KCTD2: variants seen among roughly 807,000 people sequenced by gnomAD.
KCTD2 encodes the protein potassium channel tetramerization domain containing 2.
KCTD2 carries 18 observed loss-of-function variants against 27.9 expected under a neutral mutation model. The ratio of observed to expected loss-of-function variants is 0.64; its 90% CI spans 0.45 to 0.96. KCTD2 has a LOEUF of 0.96. Ranked by LOEUF, KCTD2 falls within the 40% of genes least tolerant of loss-of-function variation. KCTD2 has a pLI of 0.00. For synonymous variants in KCTD2, 175 were observed against 148.4 expected, an observed-to-expected ratio of 1.18 and a Z score of -1.30; for missense variants, 280 against 348.0, an observed-to-expected ratio of 0.80 and a Z score of 1.56.
chr17:75,043,020 G>C (rs1351148487), upstream of KCTD2, among the ~76,000 whole-genome samples: 1 of 149,760 alleles, frequency 6.7e-6, no homozygotes, highest in Non-Finnish European at 1.5e-5. Flanking sequence ...TCAGGAGTTC[G>C]AGACCAGCAT....
At chr17:75,058,216 C>G (rs1374765081) in intron 3 of KCTD2, among the ~76,000 whole-genome samples, 1 of 151,714 alleles carries the variant, frequency 6.6e-6, no homozygotes. Flanking sequence ...CCCAGCTATT[C>G]AAGAGGCTGC....
At position 75,049,298 on chromosome 17, in the gene KCTD2, CTCA is replaced by C. The variant is rs760048047; in HGVS notation, c.425_427del (p.Ile142del). 1 of 1,612,914 alleles carries C rather than the reference CTCA, an allele frequency of 6.2e-7. No individual in the cohort carries two copies. The highest frequency in any genetic ancestry group is 8.5e-7 in the Non-Finnish European group (1 of 1,178,866). ...CCTCAACTACCTCCGCCACGGGAAA[CTCA>C]TCATCACTAAGGAGTTGGCAGAAGA... On this transcript the variant is annotated inframe_deletion, in exon 2 of 6. Coordinates refer to ENST00000322444, the MANE Select transcript of KCTD2 (RefSeq NM_015353.3).
At chr17:75,059,428 A>T in intron 3 of KCTD2, 82 bp from the exon 4 acceptor site, 1 of 808,782 alleles carries the variant, frequency 1.2e-6, no homozygotes, top group South Asian at 2.3e-5. Flanking sequence ...TTCAGTGTTT[A>T]TTCATTTGAA....
intron 2 of KCTD2, 73 bp from the exon 3 acceptor site, chr17:75,052,941 C>T (rs756329376): frequency 2.8e-6 from 3 of 1,053,316 alleles, no homozygotes; most frequent in Non-Finnish European, 1.5e-6. Flanking sequence ...AAGCATGTAA[C>T]CTTCATCCTC....
chr17:75,033,223 C>T (rs549640445), intron 1 of KCTD2: 6 of 152,276 alleles, frequency 3.9e-5, no homozygotes, highest in Non-Finnish European at 5.9e-5. Flanking sequence ...CCCACCTCAC[C>T]CTCCCAAAGT....
In KCTD2 at chr17:75,053,858, CTTTTTTTT is replaced by C. The variant is rs71159419; in HGVS notation, c.540+772_540+779del. On this transcript the variant is annotated intron_variant, in intron 3 of 5. Transcript: ENST00000322444. ...CTTCAGCAGCTGCTTGTGAACCATGCTTTTTTTTTTTTTTTTTTTTTTTTTTGAGACAG... is the reference window on the plus strand; with the variant it reads ...CTTCAGCAGCTGCTTGTGAACCATGCTTTTTTTTTTTTTTTTTTGAGACAG... 2.0e-3 allele frequency among the ~76,000 whole-genome samples: 120 copies of C among 59,316 alleles called. 1 individual carries two copies. The highest frequency in any genetic ancestry group is 0.011 in the African/African-American group (117 of 10,344). 38.9% of individuals were successfully genotyped at this position (59,316 alleles called of 152,430 possible). A position where few individuals can be genotyped will look rare whatever the true frequency, so the allele number is the denominator to read the frequency against.
At position 75,049,480 on chromosome 17, in the gene KCTD2, T is replaced by C. The variant is rs572855986; in HGVS notation, c.448+152T>C. On this transcript the variant is annotated intron_variant, in intron 2 of 5. Transcript: ENST00000322444. ...AACAGAGCAGAAACTACCAGTCTTG[T>C]CTGAGGGAGTCATGATTAAGGAAGC... 3.1e-4 allele frequency: 171 copies of C among 550,750 alleles called. 3 individuals carry two copies. The South Asian group carries it at 4.3e-3, about 14-fold the overall frequency. The allele number at this position is 550,750 out of a possible 1,614,324, so 34.1% of individuals were successfully genotyped here.
upstream of KCTD2, among the ~76,000 whole-genome samples, chr17:75,046,384 A>T (rs1052463725): frequency 6.6e-6 from 1 of 152,076 alleles, no homozygotes; most frequent in Non-Finnish European, 1.5e-5. Context: ...GCCCGGCGAA[A>T]TTTTTTTTAA....
upstream of KCTD2, among the ~76,000 whole-genome samples, chr17:75,045,959 GAACT>G (rs1165585567): frequency 6.6e-6 from 1 of 152,182 alleles, no homozygotes; most frequent in Non-Finnish European, 1.5e-5. Flanking sequence ...TTAATTTGGG[GAACT>G]AATAAATGTC....
At chr17:75,060,432 A>G in intron 4 of KCTD2, 1 of 1,596,606 alleles carries the variant, frequency 6.3e-7, no homozygotes, top group South Asian at 1.1e-5. Context: ...TCAAAAAGCC[A>G]AAAAAGTCCT....
chr17:75,062,886 C>A (rs527956708), intron 5 of KCTD2, 132 bp from the exon 6 acceptor site: 1 of 893,210 alleles, frequency 1.1e-6, no homozygotes, highest in Non-Finnish European at 1.8e-6. Context: ...GGTGAGGCTG[C>A]GGCTGCACCC....
chr17:75,055,003 A>G (rs2073334942), intron 3 of KCTD2, among the ~76,000 whole-genome samples: 1 of 152,038 alleles, frequency 6.6e-6, no homozygotes, highest in Admixed American at 6.6e-5. Context: ...CTTTAGGTAT[A>G]ATCTATTGCA....
At chr17:75,036,244 G>C (rs1013613139) in intron 3 of KCTD2, among the ~76,000 whole-genome samples, 3 of 151,390 alleles carry the variant, frequency 2.0e-5, no homozygotes, top group Non-Finnish European at 4.4e-5. Context: ...GTCTGCAGCA[G>C]ACAAACAAGC....
At chr17:75,058,868 C>A (rs563607657) in intron 3 of KCTD2, among the ~76,000 whole-genome samples, 126 of 152,010 alleles carry the variant, frequency 8.3e-4, no homozygotes, top group African/African-American at 3.0e-3. Context: ...GAGGCCGAGG[C>A]GGGTGGATCA....
At chr17:75,044,494 C>T (rs1392385073), upstream of KCTD2, among the ~76,000 whole-genome samples, 2 of 79,032 alleles carry the variant, frequency 2.5e-5, no homozygotes, top group Admixed American at 1.0e-4. Flanking sequence ...CGTGAGCCAC[C>T]GCGCCCGGCC....
chr17:75,061,975 GC>G (rs2073408043), intron 4 of KCTD2, 144 bp from the exon 5 acceptor site: 2 of 825,684 alleles, frequency 2.4e-6, no homozygotes, highest in Admixed American at 5.4e-5. Context: ...CTCCCCGGGG[GC>G]TTTGGTAGTC....
At chr17:75,035,949 G>A (rs1598681596) in intron 3 of KCTD2, 3 of 403,820 alleles carry the variant, frequency 7.4e-6, no homozygotes, top group South Asian at 5.4e-5. Context: ...ACACTCACAC[G>A]GCACCCACCA....
chr17:75,044,663 C>T (rs1168392371), upstream of KCTD2, among the ~76,000 whole-genome samples: 1 of 151,912 alleles, frequency 6.6e-6, no homozygotes, highest in African/African-American at 2.4e-5. Flanking sequence ...AGGTATTCAA[C>T]ACATGTGAAA....
At chr17:75,046,541 G>C (rs915818662), upstream of KCTD2, among the ~76,000 whole-genome samples, 6 of 152,240 alleles carry the variant, frequency 3.9e-5, no homozygotes, top group Non-Finnish European at 7.3e-5. Flanking sequence ...GGAAGCTGCC[G>C]AAGGGGAAGG....
Sources: allele counts gnomAD v4.1 joint callset (sites outside exome capture counted in the v4.1 genomes callset), GRCh38; gene constraint gnomAD v4.1.1; transcripts MANE v1.5; gene names NCBI Gene and HGNC (gene_info 2026-07-23, HGNC 2026-07-21).